Variants in RRBP1 observed in about 807,000 individuals in gnomAD.
RRBP1 encodes the protein ribosome-binding protein 1.
A neutral mutation model predicts 165.2 loss-of-function variants in RRBP1; 94 were observed. The ratio of observed to expected loss-of-function variants is 0.57; its 90% CI spans 0.48 to 0.68. The LOEUF is 0.68. Among genes scored for constraint, RRBP1 ranks in the 30% least tolerant of loss-of-function variants. RRBP1 has a pLI of 0.00. For synonymous variants in RRBP1, 680 were observed against 714.5 expected, an observed-to-expected ratio of 0.95 and a Z score of 0.77; for missense variants, 1,676 against 1,763.0, an observed-to-expected ratio of 0.95 and a Z score of 0.88.
At chr20:17,641,455 T>C (rs1366473034) in intron 5 of RRBP1, 4 of 297,694 alleles carry the variant, frequency 1.3e-5, no homozygotes, top group Non-Finnish European at 2.5e-5. Context: ...CCTAGAAAGC[T>C]GGCCTGTGAC....
Position 17,633,481 on chromosome 20 carries a change from C to T in RRBP1, c.2589G>A (p.Glu863=). The T allele has an allele frequency of 6.2e-7, 1 of 1,613,804 alleles. No individual in the cohort carries two copies. Among genetic ancestry groups the T allele is most frequent in the South Asian group, 1.1e-5 (1 of 91,074 alleles). The change falls in exon 8 of 25, where the codon GAG becomes GAA. Residue 863 remains glutamate (E), a synonymous_variant. Transcript: ENST00000377813. The part of the protein sequence containing the change: ...KALEAKAAAF[E]KQVLQLQASH... ...TCACCTGCAGCTGCAGGACCTGCTT[C>T]TCGAAGGCAGCTGCCTTGGCTTCCA...
intron 2 of RRBP1, among the ~76,000 whole-genome samples, chr20:17,669,953 A>T (rs2036945218): frequency 6.6e-6 from 1 of 152,166 alleles, no homozygotes; most frequent in Non-Finnish European, 1.5e-5. Flanking sequence ...ACAGGGCAGG[A>T]CCTTCAACAC....
Position 17,614,856 on chromosome 20 carries a change from ACTT to A in RRBP1, c.4072_4074del (p.Lys1358del), listed in dbSNP as rs753901764. The A allele has an allele frequency of 2.2e-4, 352 of 1,613,532 alleles. 2 individuals are homozygous for A. In the South Asian group the frequency reaches 2.8e-3, roughly 13 times the overall value. On this transcript the variant is annotated inframe_deletion, in exon 24 of 25. Coordinates refer to ENST00000377813, the MANE Select transcript of RRBP1 (RefSeq NM_001365613.2). ...GCGGCGCGCCCCAGGTCACTTGTTA[ACTT>A]CTTCTCTTTTTCTAGTCTCTCCTGA...
intron 3 of RRBP1, among the ~76,000 whole-genome samples, chr20:17,647,473 T>C (rs532472567): frequency 5.3e-5 from 8 of 152,348 alleles, no homozygotes; most frequent in Admixed American, 2.6e-4. Context: ...CAACAAGCGA[T>C]GCCTAGGAAG....
chr20:17,642,627 C>G (rs533334781), intron 4 of RRBP1, among the ~76,000 whole-genome samples: 244 of 152,284 alleles, frequency 1.6e-3, no homozygotes, highest in Middle Eastern at 6.8e-3. Context: ...ACGACGGAAA[C>G]CAGGGGCGCT....
chr20:17,658,848 C>A lies in RRBP1; in HGVS notation c.1660G>T (p.Ala554Ser). The A allele has an allele frequency of 6.2e-7, 1 of 1,613,968 alleles. No individual in the cohort carries two copies. The highest frequency in any genetic ancestry group is 8.5e-7 in the Non-Finnish European group (1 of 1,179,902). The change falls in exon 3 of 25, where the codon GCT (alanine) becomes TCT (serine). Residue 554 changes from alanine (A) to serine (S), a missense_variant. Transcript: ENST00000377813. The stretch of plus-strand genomic sequence containing the variant: ...CCCTCTACCTTTGTGCCCTGATTAG[C>A]AACCGAATCTGCCTTTTTGCCCTGG... ...PIQGKKADSVANQGTKVEGIT... is the reference protein window; with the variant it reads ...PIQGKKADSVSNQGTKVEGIT...
At position 17,629,086 on chromosome 20, in the gene RRBP1, C is replaced by T. The variant is rs552679111; in HGVS notation, c.2749+737G>A. ...AGAAGCATTCACCATCCATCCCTCACAGAAACAGTTGCCAACCCTGCCCTG... is the reference window on the plus strand; with the variant it reads ...AGAAGCATTCACCATCCATCCCTCATAGAAACAGTTGCCAACCCTGCCCTG... On this transcript the variant is annotated intron_variant, in intron 9 of 24. Coordinates refer to ENST00000377813, the MANE Select transcript of RRBP1 (RefSeq NM_001365613.2). 9.2e-5 allele frequency among the ~76,000 whole-genome samples: 14 copies of T among 152,384 alleles called. No homozygotes were observed. The East Asian group carries it at 2.7e-3, about 29-fold the overall frequency.
At chr20:17,672,904 A>C (rs1328613969) in intron 2 of RRBP1, among the ~76,000 whole-genome samples, 1 of 152,200 alleles carries the variant, frequency 6.6e-6, no homozygotes, top group Non-Finnish European at 1.5e-5. Flanking sequence ...GTCCATTTAC[A>C]TCAAGTTCAA....
chr20:17,639,532 T>G (rs982633110), intron 5 of RRBP1, among the ~76,000 whole-genome samples: 2 of 152,180 alleles, frequency 1.3e-5, no homozygotes, highest in Admixed American at 6.5e-5. Context: ...ACTGCCACAC[T>G]CTCTGGAATT....
Position 17,658,622 on chromosome 20 carries a change from G to C in RRBP1, c.1886C>G (p.Ser629Cys). ...PKQEAPAKKKSGSKKKGEPGP... is the reference protein window; with the variant it reads ...PKQEAPAKKKCGSKKKGEPGP... ...AGGCTCACCTTTTTTCTTTGAACCA[G>C]ACTTCTTCTTGGCAGGAGCCTCTTG... is the stretch of plus-strand genomic sequence containing the variant. Residue 629 changes from serine (S) to cysteine (C), a missense_variant, in exon 3 of 25, where the codon TCT (serine) becomes TGT (cysteine). By Grantham distance (112) the Ser-to-Cys change is moderately radical (BLOSUM62 -1). Around this residue, in one of 5 missense-constraint regions of RRBP1, gnomAD observed 1,184 missense variants for 1,167.1 expected, o/e 1.01. Transcript: ENST00000377813. The C allele has an allele frequency of 1.2e-6, 2 of 1,603,670 alleles. No individual in the cohort carries two copies. Among genetic ancestry groups the C allele is most frequent in the Non-Finnish European group, 1.7e-6 (2 of 1,176,336 alleles).
At position 17,616,754 on chromosome 20, in the gene RRBP1, G is replaced by A. The variant is rs2035809082; in HGVS notation, c.3845C>T (p.Pro1282Leu). Residue 1282 changes from proline to leucine, a missense_variant, in exon 21 of 25, where the codon CCA (proline) becomes CTA (leucine). Physicochemically the swap from Pro to Leu is moderately conservative, Grantham distance 98. Transcript: ENST00000377813. ...AACCTGAACGGGGTCCTGCTCGGCT[G>A]GGGGCGCCTCTGGGGAGGAAGCTGG... ...GAPASSPEAP[P>L]AEQDPVQLKT... 1 of 1,609,680 alleles carries A rather than the reference G, an allele frequency of 6.2e-7. No homozygotes were observed. The highest frequency in any genetic ancestry group is 8.5e-7 in the Non-Finnish European group (1 of 1,177,924).
chr20:17,670,844 G>A (rs1243414712), intron 2 of RRBP1, among the ~76,000 whole-genome samples: 1 of 152,004 alleles, frequency 6.6e-6, no homozygotes, highest in Non-Finnish European at 1.5e-5. Flanking sequence ...TATTTACCCG[G>A]CTTGGGTTTT....
At chr20:17,618,026 A>C (rs1282041894) in intron 20 of RRBP1, among the ~76,000 whole-genome samples, 1 of 151,942 alleles carries the variant, frequency 6.6e-6, no homozygotes, top group Non-Finnish European at 1.5e-5. Context: ...GGCCACCTGC[A>C]CAGGCAGAGC....
chr20:17,658,645 T>C lies in RRBP1; in HGVS notation c.1863A>G (p.Gln621=), dbSNP rs1186698484. 2.5e-6 allele frequency: 4 copies of C among 1,612,522 alleles called. No homozygotes were observed. The highest frequency in any genetic ancestry group is 1.7e-5 in the Admixed American group (1 of 59,618). The change falls in exon 3 of 25, where the codon CAA becomes CAG. Residue 621 remains glutamine, a synonymous_variant. Transcript: ENST00000377813. ...DVAQSPEAPK[Q]EAPAKKKSGS... ...CAGACTTCTTCTTGGCAGGAGCCTC[T>C]TGCTTTGGTGCCTCTGGGCTCTGGG...
At chr20:17,654,911 A>G (rs1600764919) in intron 3 of RRBP1, among the ~76,000 whole-genome samples, 2 of 152,224 alleles carry the variant, frequency 1.3e-5, no homozygotes, top group East Asian at 3.8e-4. Context: ...TTGTTTTAAC[A>G]TCTGGAATTA....
chr20:17,632,572 G>A (rs924429312), intron 8 of RRBP1, among the ~76,000 whole-genome samples: 3 of 152,046 alleles, frequency 2.0e-5, no homozygotes, highest in Admixed American at 1.3e-4. Flanking sequence ...TTAAAATTTC[G>A]TGTCTGTTCT....
Position 17,643,172 on chromosome 20 carries a change from A to G in RRBP1, c.1913-45T>C. The G allele has an allele frequency of 6.3e-7, 1 of 1,596,874 alleles. No homozygotes were observed. Among genetic ancestry groups the G allele is most frequent in the South Asian group, 1.1e-5 (1 of 90,200 alleles). ...GAGCTGAGACTTAGGCCCATAAGCC[A>G]CAACACACGTGGCCACAATGCCCAT... On this transcript the variant is annotated intron_variant, in intron 3 of 24. Transcript: ENST00000377813. The surrounding 1 kb of genome is among the most constrained non-coding windows in gnomAD (Gnocchi z 4.3).
chr20:17,658,790 G>A lies in RRBP1; in HGVS notation c.1718C>T (p.Ser573Phe), dbSNP rs971117698. 3 of 1,613,820 alleles carry A rather than the reference G, an allele frequency of 1.9e-6. No individual in the cohort carries two copies. Among genetic ancestry groups the A allele is most frequent in the African/African-American group, 1.3e-5 (1 of 74,872 alleles). Residue 573 changes from serine (S) to phenylalanine (F), a missense_variant, in exon 3 of 25, where the codon TCC becomes TTC. Ser to Phe is a radical substitution (Grantham distance 155). Around this residue, in one of 5 missense-constraint regions of RRBP1, gnomAD observed 1,184 missense variants for 1,167.1 expected, o/e 1.01. Transcript: ENST00000377813. ...ITNQGKKAEG[S>F]PSEGKKAEGS... ...TTCTGCCTTTTTGCCTTCACTGGGG[G>A]ACCCTTCTGCTTTTTTCCCCTGGTT...
chr20:17,648,487 G>A (rs1309397065), intron 3 of RRBP1, among the ~76,000 whole-genome samples: 1 of 152,260 alleles, frequency 6.6e-6, no homozygotes, highest in Non-Finnish European at 1.5e-5. Context: ...AGGCCAAGGA[G>A]GCGCAGCTGC....
Sources: gnomAD v4.1 joint callset for allele counts (sites outside exome capture counted in the v4.1 genomes callset) on GRCh38, gnomAD v4.1.1 for gene constraint, gnomAD v4.1.1 regional missense constraint, Gnocchi (gnomAD v3.1) non-coding constraint, MANE v1.5 for transcripts, NCBI Gene and HGNC (gene_info 2026-07-23, HGNC 2026-07-21) for gene names.